Variants in PARP12 observed in about 807,000 individuals in gnomAD.
The protein encoded by PARP12 is protein mono-ADP-ribosyltransferase PARP12.
Under a neutral mutation model 72.4 loss-of-function variants are expected in PARP12, and 59 were observed. The ratio of observed to expected loss-of-function variants is 0.81; its 90% CI spans 0.66 to 1.01. The LOEUF is 1.01. Among genes scored for constraint, PARP12 ranks in the 50% least tolerant of loss-of-function variants. The probability of loss-of-function intolerance (pLI) is 0.00; values close to 1 mark genes in which losing one functional copy is unlikely to be tolerated. For missense variants in PARP12, 851 were observed against 914.0 expected (o/e 0.93, Z 0.89); for synonymous variants, 403 against 371.4 (o/e 1.09, Z -0.98).
At chr7:140,040,354 G>A (rs554023869) in intron 6 of PARP12, among the ~76,000 whole-genome samples, 3 of 152,208 alleles carry the variant, frequency 2.0e-5, no homozygotes, top group Non-Finnish European at 4.4e-5. Flanking sequence ...GGTGGGAAAG[G>A]CAGGCAGGGC....
Position 140,026,194 on chromosome 7 carries a change from T to C in PARP12, c.1780+3A>G, listed in dbSNP as rs746335369. ...TTGCTGGTGGAGGCCAGTCATGCCTTACCCTTGCCGTAGGAAGTGCCATGA... is the reference window on the plus strand; with the variant it reads ...TTGCTGGTGGAGGCCAGTCATGCCTCACCCTTGCCGTAGGAAGTGCCATGA... On this transcript the variant is annotated splice_donor_region_variant and intron_variant, in intron 11 of 11. Coordinates refer to ENST00000263549, the MANE Select transcript of PARP12 (RefSeq NM_022750.4). 1.2e-6 allele frequency: 2 copies of C among 1,614,156 alleles called. No homozygotes were observed. The highest frequency in any genetic ancestry group is 8.5e-7 in the Non-Finnish European group (1 of 1,180,042).
chr7:140,035,374 C>A (rs1816107930), intron 7 of PARP12, among the ~76,000 whole-genome samples: 1 of 152,210 alleles, frequency 6.6e-6, no homozygotes, highest in South Asian at 2.1e-4. Flanking sequence ...TCTTAAATGG[C>A]TTTCACTGGT....
intron 1 of PARP12, among the ~76,000 whole-genome samples, chr7:140,060,423 A>G (rs762556943): frequency 1.3e-5 from 2 of 152,212 alleles, no homozygotes; most frequent in African/African-American, 4.8e-5. Context: ...GGAAGCAGAA[A>G]AGTGCAGCCA....
chr7:140,027,258 G>A lies in PARP12; in HGVS notation c.1628+18C>T, dbSNP rs761768187. On this transcript the variant is annotated intron_variant, in intron 10 of 11. Coordinates refer to ENST00000263549, the MANE Select transcript of PARP12 (RefSeq NM_022750.4). ...AGGGACAGAGTCACCAGCCCACCAAGAGCGAGCCCCAACGCACCACTGGTA... is the reference window on the plus strand; with the variant it reads ...AGGGACAGAGTCACCAGCCCACCAAAAGCGAGCCCCAACGCACCACTGGTA... The A allele has an allele frequency of 5.6e-6, 9 of 1,610,426 alleles. No homozygotes were observed. Among genetic ancestry groups the A allele is most frequent in the East Asian group, 2.2e-5 (1 of 44,750 alleles).
Position 140,041,771 on chromosome 7 carries a change from C to A in PARP12, c.1055G>T (p.Gly352Val), listed in dbSNP as rs756617778. The A allele has an allele frequency of 6.2e-7, 1 of 1,614,054 alleles. No individual in the cohort carries two copies. The highest frequency in any genetic ancestry group is 1.1e-5 in the South Asian group (1 of 91,070). The part of the protein sequence containing the change: ...HCLNFNAMTY[G>V]ATQARRLSTA... ...GGAGAGGCGGCGAGCCTGGGTAGCACCGTAAGTCATGGCGTTAAAGTTCAG... is the reference window on the plus strand; with the variant it reads ...GGAGAGGCGGCGAGCCTGGGTAGCAACGTAAGTCATGGCGTTAAAGTTCAG... The change falls in exon 6 of 12, where the codon GGT becomes GTT. Residue 352 changes from glycine (G) to valine (V), a missense_variant. Gly to Val is a moderately radical substitution (Grantham distance 109). Coordinates refer to ENST00000263549, the MANE Select transcript of PARP12 (RefSeq NM_022750.4).
At position 140,026,368 on chromosome 7, in the gene PARP12, T is replaced by C; in HGVS notation, c.1629-20A>G. 3 of 1,601,278 alleles carry C rather than the reference T, an allele frequency of 1.9e-6. No homozygotes were observed. Among genetic ancestry groups the C allele is most frequent in the Non-Finnish European group, 2.6e-6 (3 of 1,176,120 alleles). Reference sequence around the variant, plus strand: ...TTTTGCCTAGAATCACAGAAGAATGTGTGCTGGGGGCAGAGTGTGCCGGCC... The same window carrying C: ...TTTTGCCTAGAATCACAGAAGAATGCGTGCTGGGGGCAGAGTGTGCCGGCC... On this transcript the variant is annotated intron_variant, in intron 10 of 11. Coordinates refer to ENST00000263549, the MANE Select transcript of PARP12 (RefSeq NM_022750.4).
chr7:140,038,504 A>G (rs1004983431), intron 6 of PARP12, among the ~76,000 whole-genome samples: 11 of 152,258 alleles, frequency 7.2e-5, no homozygotes, highest in African/African-American at 2.6e-4. Flanking sequence ...TATGAATAAT[A>G]GTACTTAGGC....
At chr7:140,043,960 G>A (rs1345349407) in intron 5 of PARP12, among the ~76,000 whole-genome samples, 1 of 152,202 alleles carries the variant, frequency 6.6e-6, no homozygotes, top group East Asian at 1.9e-4. Flanking sequence ...GCAGAGTTTA[G>A]AAAGAGAATA....
At chr7:140,061,824 G>C (rs2116689773) in intron 1 of PARP12, among the ~76,000 whole-genome samples, 1 of 152,302 alleles carries the variant, frequency 6.6e-6, no homozygotes, top group South Asian at 2.1e-4. Context: ...AAAATAAACA[G>C]TTCCCTGTGA....
Position 140,026,270 on chromosome 7 carries a change from A to G in PARP12, c.1707T>C (p.Ile569=), listed in dbSNP as rs1239663004. The part of the protein sequence containing the change: ...ERQLFHGTSA[I]FVDAICQQNF... ...TCTGCTGGCAGATGGCGTCCACAAA[A>G]ATGGCGCTGGTGCCGTGGAACAGCT... Residue 569 remains isoleucine, a synonymous_variant, in exon 11 of 12, where the codon ATT becomes ATC. Coordinates refer to ENST00000263549, the MANE Select transcript of PARP12 (RefSeq NM_022750.4). 2 of 1,613,790 alleles carry G rather than the reference A, an allele frequency of 1.2e-6. No individual in the cohort carries two copies. The highest frequency in any genetic ancestry group is 2.7e-5 in the African/African-American group (2 of 74,930).
At chr7:140,040,143 G>A (rs980660375) in intron 6 of PARP12, among the ~76,000 whole-genome samples, 3 of 152,164 alleles carry the variant, frequency 2.0e-5, no homozygotes, top group Non-Finnish European at 4.4e-5. Context: ...TGCTAAGTGT[G>A]TTGCGCCTGC....
intron 8 of PARP12, chr7:140,033,874 A>G: frequency 1.0e-6 from 1 of 994,088 alleles, no homozygotes; most frequent in Non-Finnish European, 1.2e-6. Context: ...GTGTAATTCC[A>G]TCATTATTTC....
intron 5 of PARP12, among the ~76,000 whole-genome samples, chr7:140,042,991 C>G (rs1040759407): frequency 4.9e-4 from 74 of 152,228 alleles, no homozygotes; most frequent in Non-Finnish European, 3.7e-4. Flanking sequence ...GTCAGGAGAT[C>G]GAGACCATCC....
chr7:140,054,933 G>A (rs952514523), intron 3 of PARP12, among the ~76,000 whole-genome samples, 170 bp from the exon 4 acceptor site: 10 of 152,236 alleles, frequency 6.6e-5, no homozygotes, highest in African/African-American at 2.4e-4. Flanking sequence ...ACTTTTTAGT[G>A]ACAGGCTGGC....
rs1817534664 is a variant in PARP12 at position 140,062,881 on chromosome 7, G to A, written c.-34C>T. The A allele has an allele frequency of 4.0e-6, 5 of 1,242,220 alleles. No homozygotes were observed. The highest frequency in any genetic ancestry group is 5.0e-6 in the Non-Finnish European group (5 of 993,854). The allele number at this position is 1,242,220 out of a possible 1,614,324, so 76.9% of individuals were successfully genotyped here. On this transcript the variant is annotated 5_prime_UTR_variant, in exon 1 of 12. Transcript: ENST00000263549. ...GGCCTGCTCCCGTCGGACCGCGGGTGGCGCGACGCGGACGGCGGCGGACGC... is the reference window on the plus strand; with the variant it reads ...GGCCTGCTCCCGTCGGACCGCGGGTAGCGCGACGCGGACGGCGGCGGACGC...
At position 140,060,899 on chromosome 7, in the gene PARP12, G is replaced by A. The variant is rs188081313; in HGVS notation, c.326+1623C>T. Among the ~76,000 whole-genome samples, 360 of 152,232 alleles carry A rather than the reference G, an allele frequency of 2.4e-3. 6 individuals carry two copies. Among genetic ancestry groups the A allele is most frequent in the African/African-American group, 7.9e-3 (328 of 41,536 alleles). ...CCAATATCTCCCAAACCAGCCCAGC[G>A]CATTGGGGCCCTGGCCTTCCTCCCA... On this transcript the variant is annotated intron_variant, in intron 1 of 11. Transcript: ENST00000263549.
At chr7:140,028,506 C>T in intron 9 of PARP12, 107 bp downstream of exon 9, 3 of 1,020,562 alleles carry the variant, frequency 2.9e-6, no homozygotes, top group Non-Finnish European at 4.1e-6. Context: ...CCCAATTAGC[C>T]CCAGCCTTAC....
intron 4 of PARP12, among the ~76,000 whole-genome samples, chr7:140,048,048 C>T (rs1020149416): frequency 6.6e-6 from 1 of 152,220 alleles, no homozygotes; most frequent in Non-Finnish European, 1.5e-5. Context: ...ATATCACTCT[C>T]TGTGTGGCAG....
At chr7:140,046,797 ACAGT>A (rs1816746365) in intron 5 of PARP12, 83 bp downstream of exon 5, 1 of 907,238 alleles carries the variant, frequency 1.1e-6, no homozygotes, top group East Asian at 3.8e-5. Flanking sequence ...TAGGCTGCTC[ACAGT>A]GTGTGTGTGT....
Sources: gnomAD v4.1 joint callset for allele counts (sites outside exome capture counted in the v4.1 genomes callset) on GRCh38, gnomAD v4.1.1 for gene constraint, MANE v1.5 for transcripts, NCBI Gene and HGNC (gene_info 2026-07-23, HGNC 2026-07-21) for gene names.